The following LURAP1L variants were observed in gnomAD, a reference collection of about 807,000 sequenced individuals.
LURAP1L encodes leucine rich adaptor protein 1 like, also known as leucine rich adaptor protein 1-like.
LURAP1L carries 12 observed loss-of-function variants against 13.8 expected under a neutral mutation model. The ratio of observed to expected loss-of-function variants is 0.87; its 90% CI spans 0.56 to 1.41. The LOEUF (loss-of-function observed/expected upper bound fraction) is 1.41. Ranked by LOEUF, LURAP1L falls within the 40% of genes most tolerant of loss-of-function variation. The pLI is 0.00. For synonymous variants in LURAP1L, 139 were observed against 119.2 expected (o/e 1.17, Z -1.08); for missense variants, 375 against 292.9 (o/e 1.28, Z -2.04).
chr9:12,781,266 C>T lies in LURAP1L; in HGVS notation c.312+5239C>T, dbSNP rs975225028. On this transcript the variant is annotated intron_variant, in intron 1 of 1. Transcript: ENST00000319264. ...GATTACAGGTGTGAGCCACTGTGCC[C>T]GGCCCCTTTTAGTTATTTTTAAATG... Among the ~76,000 whole-genome samples, 7 of 152,086 alleles carry T rather than the reference C, an allele frequency of 4.6e-5. No individual in the cohort carries two copies. The East Asian group carries it at 5.8e-4, about 13-fold the overall frequency.
At chr9:12,807,786 T>C (rs1404860549) in intron 1 of LURAP1L, among the ~76,000 whole-genome samples, 1 of 152,194 alleles carries the variant, frequency 6.6e-6, no homozygotes, top group African/African-American at 2.4e-5. Context: ...TTCTTTGCTT[T>C]TTTGTCTTCC....
chr9:12,781,423 CTCTGGTAACCA>C (rs987009471), intron 1 of LURAP1L, among the ~76,000 whole-genome samples: 114 of 152,248 alleles, frequency 7.5e-4, no homozygotes, highest in African/African-American at 2.6e-3. Context: ...CCTTCCCAGC[CTCTGGTAACCA>C]TCATTCTACT....
chr9:12,782,792 C>T (rs1382005479), intron 1 of LURAP1L, among the ~76,000 whole-genome samples: 2 of 152,084 alleles, frequency 1.3e-5, no homozygotes, highest in Non-Finnish European at 2.9e-5. Flanking sequence ...TACATTGAAT[C>T]TGTAGATTGC....
intron 1 of LURAP1L, among the ~76,000 whole-genome samples, chr9:12,804,972 A>G (rs1384205867): frequency 2.6e-5 from 4 of 152,202 alleles, no homozygotes; most frequent in Non-Finnish European, 5.9e-5. Context: ...CATATAAGCC[A>G]TAAGTTGTAA....
chr9:12,803,361 A>T (rs752270766), intron 1 of LURAP1L, among the ~76,000 whole-genome samples: 10 of 152,218 alleles, frequency 6.6e-5, no homozygotes, highest in Non-Finnish European at 1.5e-4. Context: ...ACATGGGAAG[A>T]TTAGATACTT....
chr9:12,820,098 A>T lies in LURAP1L; in HGVS notation c.313-1288A>T, dbSNP rs181930305. On this transcript the variant is annotated intron_variant, in intron 1 of 1. Coordinates refer to ENST00000319264, the MANE Select transcript of LURAP1L (RefSeq NM_203403.2). ...AGTTCTTACAGCACCACCTCCCCAA[A>T]CACCACCTCTTGATATTAGCAAATG... 4.3e-3 allele frequency among the ~76,000 whole-genome samples: 653 copies of T among 152,246 alleles called. 6 individuals are homozygous for T. Among genetic ancestry groups the T allele is most frequent in the African/African-American group, 0.015 (611 of 41,546 alleles).
At position 12,776,037 on chromosome 9, in the gene LURAP1L, G is replaced by A; in HGVS notation, c.312+10G>A. 1 of 1,612,692 alleles carries A rather than the reference G, an allele frequency of 6.2e-7. No individual in the cohort carries two copies. Among genetic ancestry groups the A allele is most frequent in the Non-Finnish European group, 8.5e-7 (1 of 1,179,556 alleles). On this transcript the variant is annotated intron_variant, in intron 1 of 1. Transcript: ENST00000319264. Reference sequence around the variant, plus strand: ...CCTCAGGCAAGAGATGGTGAGTGTGGTGCGCCAGCCGCGGGGGCTGGGACC... The same window carrying A: ...CCTCAGGCAAGAGATGGTGAGTGTGATGCGCCAGCCGCGGGGGCTGGGACC...
In LURAP1L at chr9:12,822,943, G is replaced by A. The variant is rs1160638026; in HGVS notation, c.*1183G>A. Among the ~76,000 whole-genome samples the A allele has an allele frequency of 6.6e-6, 1 of 152,068 alleles. No homozygotes were observed. Among genetic ancestry groups the A allele is most frequent in the East Asian group, 1.9e-4 (1 of 5,200 alleles). On this transcript the variant is annotated 3_prime_UTR_variant, in exon 2 of 2. Coordinates refer to ENST00000319264, the MANE Select transcript of LURAP1L (RefSeq NM_203403.2). ...AAAAAATCTTCCTTCTTATAACTGA[G>A]AAATGTTTCACCCAAATTTCCTTTG... is the stretch of plus-strand genomic sequence containing the variant.
rs117801708 is a variant in LURAP1L, at chr9:12,822,222, T to C, written c.*462T>C. 3,915 of 157,602 alleles carry C rather than the reference T, an allele frequency of 0.025. 78 individuals carry two copies. The highest frequency in any genetic ancestry group is 0.04 in the Middle Eastern group (12 of 300). The allele number at this position is 157,602 out of a possible 1,614,324, so 9.8% of individuals were successfully genotyped here. On this transcript the variant is annotated 3_prime_UTR_variant, in exon 2 of 2. Coordinates refer to ENST00000319264, the MANE Select transcript of LURAP1L (RefSeq NM_203403.2). ...TGTTTGCATATCAGGTTGAACAAAA[T>C]GCTTGGAACAAAATTAAGCATTATT...
rs532844113 is a variant in LURAP1L at position 12,777,219 on chromosome 9, A to C, written c.312+1192A>C. ...TTTTAGGTTGGACAAAAATTTAAGG[A>C]CAACCCTTAGGTACATAATGGAGAA... On this transcript the variant is annotated intron_variant, in intron 1 of 1. Transcript: ENST00000319264. 7.1e-6 allele frequency: 7 copies of C among 985,186 alleles called. No individual in the cohort carries two copies. The South Asian group carries it at 2.8e-4, about 40-fold the overall frequency. 61.0% of individuals were successfully genotyped at this position (985,186 alleles called of 1,614,324 possible). A position where few individuals can be genotyped will look rare whatever the true frequency, so the allele number is the denominator to read the frequency against.
chr9:12,775,710 A>G lies in LURAP1L; in HGVS notation c.-6A>G. 6.4e-7 allele frequency: 1 copy of G among 1,559,122 alleles called. No homozygotes were observed. Among genetic ancestry groups the G allele is most frequent in the Non-Finnish European group, 8.6e-7 (1 of 1,158,880 alleles). On this transcript the variant is annotated 5_prime_UTR_variant, in exon 1 of 2. Coordinates refer to ENST00000319264, the MANE Select transcript of LURAP1L (RefSeq NM_203403.2). ...TTATTACTATTATCGCCGTTCCGGA[A>G]AAGTCATGGAAGACAGCCCGCTGCC...
At position 12,775,209 on chromosome 9, in the gene LURAP1L, G is replaced by A. The variant is rs1476384082; in HGVS notation, c.-507G>A. On this transcript the variant is annotated 5_prime_UTR_variant, in exon 1 of 2. Transcript: ENST00000319264. ...CCGAAAGCTTGGAGGCATATGGCTGGAAAATGAAACGACCCAGGACATCGT... is the reference window on the plus strand; with the variant it reads ...CCGAAAGCTTGGAGGCATATGGCTGAAAAATGAAACGACCCAGGACATCGT... The A allele has an allele frequency of 6.6e-6, 1 of 152,524 alleles. No individual in the cohort carries two copies. The highest frequency in any genetic ancestry group is 1.5e-5 in the Non-Finnish European group (1 of 68,402). The allele number at this position is 152,524 out of a possible 1,614,324, so 9.4% of individuals were successfully genotyped here. A position where few individuals can be genotyped will look rare whatever the true frequency, so the allele number is the denominator to read the frequency against.
At chr9:12,813,166 G>A (rs1335366880) in intron 1 of LURAP1L, among the ~76,000 whole-genome samples, 1 of 152,124 alleles carries the variant, frequency 6.6e-6, no homozygotes, top group Non-Finnish European at 1.5e-5. Flanking sequence ...AATATCTACT[G>A]AGATGTGTGA....
chr9:12,775,600 G>A lies in LURAP1L; in HGVS notation c.-116G>A, dbSNP rs1819159132. Reference sequence around the variant, plus strand: ...GGAAAGGACGGTACACCGGAGCGGCGGAGGATAGAGACCCTGGCCCCCGGA... The same window carrying A: ...GGAAAGGACGGTACACCGGAGCGGCAGAGGATAGAGACCCTGGCCCCCGGA... On this transcript the variant is annotated 5_prime_UTR_variant, in exon 1 of 2. Coordinates refer to ENST00000319264, the MANE Select transcript of LURAP1L (RefSeq NM_203403.2). 1 of 1,440,906 alleles carries A rather than the reference G, an allele frequency of 6.9e-7. No individual in the cohort carries two copies. The allele number at this position is 1,440,906 out of a possible 1,614,324, so 89.3% of individuals were successfully genotyped here. A position where few individuals can be genotyped will look rare whatever the true frequency, so the allele number is the denominator to read the frequency against.
intron 1 of LURAP1L, among the ~76,000 whole-genome samples, chr9:12,795,546 C>T (rs1819501183): frequency 6.6e-6 from 1 of 151,832 alleles, no homozygotes; most frequent in East Asian, 1.9e-4. Context: ...GAAACCACAG[C>T]GAGATTGATT....
chr9:12,800,391 G>C (rs1819568965), intron 1 of LURAP1L, among the ~76,000 whole-genome samples: 1 of 152,012 alleles, frequency 6.6e-6, no homozygotes, highest in South Asian at 2.1e-4. Flanking sequence ...ATTAGTAGAA[G>C]AATAACATAT....
rs965861189 is a variant in LURAP1L, at chr9:12,783,788, G to A, written c.312+7761G>A. ...TGGGTAGGATTGTTCTTCTTTAAATGTTTGGTAAAATTCAGCAATGAAGCT... is the reference window on the plus strand; with the variant it reads ...TGGGTAGGATTGTTCTTCTTTAAATATTTGGTAAAATTCAGCAATGAAGCT... On this transcript the variant is annotated intron_variant, in intron 1 of 1. Coordinates refer to ENST00000319264, the MANE Select transcript of LURAP1L (RefSeq NM_203403.2). Among the ~76,000 whole-genome samples, 5 of 143,528 alleles carry A rather than the reference G, an allele frequency of 3.5e-5. No individual in the cohort carries two copies. In the East Asian group the frequency reaches 1.0e-3, roughly 30 times the overall value. The allele number at this position is 143,528 out of a possible 152,430, so 94.2% of individuals were successfully genotyped here. A position where few individuals can be genotyped will look rare whatever the true frequency, so the allele number is the denominator to read the frequency against.
At chr9:12,778,529 T>G (rs1300644685) in intron 1 of LURAP1L, among the ~76,000 whole-genome samples, 1 of 152,182 alleles carries the variant, frequency 6.6e-6, no homozygotes, top group Admixed American at 6.5e-5. Flanking sequence ...TGGGTTCCGT[T>G]GATCTTACAA....
intron 1 of LURAP1L, among the ~76,000 whole-genome samples, chr9:12,806,712 T>C (rs1432167862): frequency 2.6e-5 from 4 of 152,200 alleles, no homozygotes; most frequent in East Asian, 3.9e-4. Context: ...ATTATACTAA[T>C]TTACTTTTTT....
Sources: gnomAD v4.1 joint callset for allele counts (sites outside exome capture counted in the v4.1 genomes callset) on GRCh38, gnomAD v4.1.1 for gene constraint, MANE v1.5 for transcripts, NCBI Gene and HGNC (gene_info 2026-07-23, HGNC 2026-07-21) for gene names.